Variants in DCDC2 observed in about 807,000 individuals in gnomAD.
DCDC2 encodes the protein doublecortin domain containing 2.
Under a neutral mutation model 50.2 loss-of-function variants are expected in DCDC2, and 40 were observed. That is an observed-to-expected ratio of 0.80 (90% confidence interval 0.62 to 1.04). The LOEUF is 1.04. Ranked by LOEUF, DCDC2 falls within the 50% of genes least tolerant of loss-of-function variation. The pLI is 0.00. For missense variants in DCDC2, 570 were observed against 581.9 expected (o/e 0.98, Z 0.21); for synonymous variants, 234 against 210.6 (o/e 1.11, Z -0.96).
At chr6:24,343,031 C>T (rs1245656564) in intron 2 of DCDC2, among the ~76,000 whole-genome samples, 1 of 151,366 alleles carries the variant, frequency 6.6e-6, no homozygotes, top group Non-Finnish European at 1.5e-5. Flanking sequence ...TAGTCCACTG[C>T]CTGGCTCTTG....
chr6:24,176,626 C>T (rs909145502), intron 9 of DCDC2, among the ~76,000 whole-genome samples: 5 of 152,052 alleles, frequency 3.3e-5, no homozygotes, highest in Non-Finnish European at 7.4e-5. Context: ...TGGTGAGAAC[C>T]CTTCAAATCT....
At chr6:24,232,833 GA>G (rs755834984) in intron 7 of DCDC2, among the ~76,000 whole-genome samples, 2,352 of 142,978 alleles carry the variant, frequency 0.016, 19 homozygotes, top group Middle Eastern at 0.058. Context: ...TGGGGTTCTT[GA>G]AAAAAAAAAA....
chr6:24,221,484 T>C (rs185379256), intron 7 of DCDC2, among the ~76,000 whole-genome samples: 425 of 152,334 alleles, frequency 2.8e-3, no homozygotes, highest in Non-Finnish European at 3.8e-3. Context: ...TTACACTTAT[T>C]CTCTGTACCC....
chr6:24,293,805 A>G (rs990919074), intron 4 of DCDC2, among the ~76,000 whole-genome samples: 1 of 152,226 alleles, frequency 6.6e-6, no homozygotes, highest in Admixed American at 6.5e-5. Context: ...AGAAAATGTA[A>G]AAGAATCAAA....
upstream of DCDC2, among the ~76,000 whole-genome samples, chr6:24,359,440 ATATAGTATATATATTTATATATAC>A (rs1180766684): frequency 1.0e-4 from 7 of 68,036 alleles, no homozygotes; most frequent in African/African-American, 3.4e-4. Flanking sequence ...TATATATACT[ATATAGTATATATATTTATATATAC>A]TATATAATAT....
At chr6:24,303,285 G>T (rs74992266) in intron 2 of DCDC2, among the ~76,000 whole-genome samples, 4,971 of 152,020 alleles carry the variant, frequency 0.033, 235 homozygotes, top group African/African-American at 0.11. Flanking sequence ...TTTCAAGCAT[G>T]GCCTGCAAGA....
chr6:24,227,749 C>T (rs561180076), intron 7 of DCDC2, among the ~76,000 whole-genome samples: 2 of 152,196 alleles, frequency 1.3e-5, no homozygotes, highest in Non-Finnish European at 2.9e-5. Context: ...AAACAACAAC[C>T]GTCTGCCCGT....
intron 4 of DCDC2, among the ~76,000 whole-genome samples, chr6:24,295,062 A>C (rs1037884058): frequency 2.0e-5 from 3 of 152,304 alleles, no homozygotes; most frequent in Admixed American, 2.0e-4. Flanking sequence ...ACATCAATAC[A>C]AAAGTCCTCA....
intron 6 of DCDC2, among the ~76,000 whole-genome samples, chr6:24,287,953 T>C (rs1390168545): frequency 6.6e-6 from 1 of 152,234 alleles, no homozygotes; most frequent in Non-Finnish European, 1.5e-5. Context: ...GAGTCTCAGC[T>C]AATGAGTTCT....
chr6:24,305,495 T>C lies in DCDC2; in HGVS notation c.349-3451A>G, dbSNP rs187140556. Reference sequence around the variant, plus strand: ...TTTTTAAAAACAATACCAGTTTTTATATAAAATGCATTTTTAGCAGGCATT... The same window carrying C: ...TTTTTAAAAACAATACCAGTTTTTACATAAAATGCATTTTTAGCAGGCATT... On this transcript the variant is annotated intron_variant, in intron 2 of 9. Coordinates refer to ENST00000378454, the MANE Select transcript of DCDC2 (RefSeq NM_016356.5). Among the ~76,000 whole-genome samples, 63 of 152,322 alleles carry C rather than the reference T, an allele frequency of 4.1e-4. No individual in the cohort carries two copies. In the Middle Eastern group the frequency reaches 0.01, roughly 25 times the overall value.
At chr6:24,367,081 C>G in the DCDC2 span, among the ~76,000 whole-genome samples, 2 of 152,164 alleles carry the variant, frequency 1.3e-5, no homozygotes, top group Non-Finnish European at 2.9e-5. Context: ...AGCAATCCCC[C>G]CATCTTGGCC....
At chr6:24,321,016 G>A (rs1360695934) in intron 2 of DCDC2, among the ~76,000 whole-genome samples, 2 of 148,276 alleles carry the variant, frequency 1.3e-5, no homozygotes, top group East Asian at 3.9e-4. Context: ...CAACTTGAAA[G>A]AGTTCTCAGT....
rs758802517 is a variant in DCDC2, at chr6:24,290,940, C to A, written c.696G>T (p.Arg232Ser). Residue 232 changes from arginine to serine, a missense_variant, in exon 5 of 10, where the codon AGG becomes AGT. By Grantham distance (110) the Arg-to-Ser change is moderately radical (BLOSUM62 -1). Transcript: ENST00000378454. ...TAAGGAGTAAGACTTACCCAAAAGGCCTTCTCATCGTTGACTTGTCAAAAA... is the reference window on the plus strand; with the variant it reads ...TAAGGAGTAAGACTTACCCAAAAGGACTTCTCATCGTTGACTTGTCAAAAA... ...ELLFDKSTMR[R>S]PFGQKASSLP... The A allele has an allele frequency of 3.9e-5, 63 of 1,613,204 alleles. No individual in the cohort carries two copies. The South Asian group carries it at 6.3e-4, about 16-fold the overall frequency.
chr6:24,362,077 T>C (rs1367695503), upstream of DCDC2, among the ~76,000 whole-genome samples: 2 of 152,204 alleles, frequency 1.3e-5, no homozygotes, highest in Non-Finnish European at 2.9e-5. Flanking sequence ...ATTTCCACCA[T>C]GCAGGCACAG....
At chr6:24,209,499 G>T (rs929621644) in intron 7 of DCDC2, among the ~76,000 whole-genome samples, 5 of 152,116 alleles carry the variant, frequency 3.3e-5, no homozygotes, top group African/African-American at 4.8e-5. Context: ...ATAAAAACAG[G>T]AACTTAGTGT....
chr6:24,250,808 T>C (rs879503434), intron 7 of DCDC2, among the ~76,000 whole-genome samples: 5 of 152,014 alleles, frequency 3.3e-5, no homozygotes, highest in Admixed American at 6.5e-5. Context: ...GCACCAAAAT[T>C]ACATAGCATG....
At chr6:24,188,367 C>T (rs1447848895) in intron 8 of DCDC2, among the ~76,000 whole-genome samples, 2 of 152,112 alleles carry the variant, frequency 1.3e-5, no homozygotes, top group African/African-American at 4.8e-5. Context: ...TTAAAAGTTA[C>T]CAATTTACTG....
At chr6:24,259,133 G>GA (rs35299013) in intron 7 of DCDC2, among the ~76,000 whole-genome samples, 78,999 of 150,242 alleles carry the variant, frequency 0.53, 25,070 homozygotes, top group East Asian at 0.78. Flanking sequence ...CAAGACATGT[G>GA]AAAAAAAAAC....
At chr6:24,186,490 T>C (rs116185648) in intron 8 of DCDC2, among the ~76,000 whole-genome samples, 1,799 of 152,278 alleles carry the variant, frequency 0.012, 36 homozygotes, top group African/African-American at 0.041. Flanking sequence ...CATGCGTGCA[T>C]GTGCGCACAC....
Sources: gnomAD v4.1 joint callset for allele counts (sites outside exome capture counted in the v4.1 genomes callset) on GRCh38, gnomAD v4.1.1 for gene constraint, MANE v1.5 for transcripts, NCBI Gene and HGNC (gene_info 2026-07-23, HGNC 2026-07-21) for gene names.